Variants in RNF214 observed in about 807,000 individuals in gnomAD.
RNF214 encodes the protein ring finger protein 214.
In RNF214, 25 loss-of-function variants were observed where a neutral mutation model predicts 75.9. The ratio of observed to expected loss-of-function variants is 0.33; its 90% confidence interval spans 0.24 to 0.46. RNF214 has a LOEUF of 0.46. RNF214 is among the 20% of genes least tolerant of loss of function. The pLI, the probability that RNF214 is intolerant of heterozygous loss-of-function variation, is 1.00. For missense variants in RNF214, 725 were observed against 857.5 expected, an observed-to-expected ratio of 0.85 and a Z score of 1.93; for synonymous variants, 314 against 308.8, an observed-to-expected ratio of 1.02 and a Z score of -0.18.
chr11:117,240,762 C>A (rs1451549057), intron 4 of RNF214, among the ~76,000 whole-genome samples: 1 of 152,088 alleles, frequency 6.6e-6, no homozygotes, highest in African/African-American at 2.4e-5. Context: ...TTGCTTCAGG[C>A]CGGGCGCGGT....
rs1468535743 is a variant in RNF214, at chr11:117,280,257, C to T, written c.1143C>T (p.Leu381=). Residue 381 remains leucine (L), a splice_region_variant and synonymous_variant, in exon 8 of 15, where the codon CTC becomes CTT. Coordinates refer to ENST00000300650, the MANE Select transcript of RNF214 (RefSeq NM_207343.4). The part of the protein sequence containing the change: ...EKEAELHLTY[L]KSTPPTLETV... ...AGGCAGAATTGCACCTTACTTACCTCAAGTAAGTACCTTTCCGTTCTAGAG... is the reference window on the plus strand; with the variant it reads ...AGGCAGAATTGCACCTTACTTACCTTAAGTAAGTACCTTTCCGTTCTAGAG... 1.3e-6 allele frequency: 2 copies of T among 1,568,192 alleles called. No homozygotes were observed. The highest frequency in any genetic ancestry group is 1.8e-6 in the Non-Finnish European group (2 of 1,138,630).
chr11:117,268,614 A>G (rs1009176558), intron 6 of RNF214, among the ~76,000 whole-genome samples: 2 of 152,192 alleles, frequency 1.3e-5, no homozygotes, highest in African/African-American at 4.8e-5. Context: ...GTAAATGTTG[A>G]AATCAGTGCA....
intron 2 of RNF214, among the ~76,000 whole-genome samples, chr11:117,237,786 A>G (rs1219293984): frequency 6.6e-6 from 1 of 152,192 alleles, no homozygotes; most frequent in Non-Finnish European, 1.5e-5. Flanking sequence ...GACAGCTTCA[A>G]TTTTGGATTC....
At chr11:117,263,846 C>T in intron 6 of RNF214, 1 of 269,480 alleles carries the variant, frequency 3.7e-6, no homozygotes, top group East Asian at 1.4e-4. Context: ...TTTTGGTCCC[C>T]CTGTGCTCAG....
intron 6 of RNF214, among the ~76,000 whole-genome samples, chr11:117,265,463 G>T (rs2033775966): frequency 6.6e-6 from 1 of 151,928 alleles, no homozygotes; most frequent in Non-Finnish European, 1.5e-5. Context: ...GCCCAGGCTG[G>T]AGTGCAATGG....
chr11:117,280,364 T>G, intron 8 of RNF214, 105 bp downstream of exon 8: 2 of 772,988 alleles, frequency 2.6e-6, no homozygotes, highest in East Asian at 4.9e-5. Flanking sequence ...TTATTCTATC[T>G]GCACAGGAAT....
At chr11:117,258,532 A>T (rs1242662562) in intron 6 of RNF214, among the ~76,000 whole-genome samples, 1 of 152,118 alleles carries the variant, frequency 6.6e-6, no homozygotes, top group Non-Finnish European at 1.5e-5. Flanking sequence ...TTAGAGTTTA[A>T]TATTATTTAT....
chr11:117,251,481 AC>A (rs368216354), intron 6 of RNF214, among the ~76,000 whole-genome samples: 588 of 57,650 alleles, frequency 0.01, no homozygotes, highest in East Asian at 0.035. Context: ...CGGGGGGCTG[AC>A]CCCCCCACCT....
intron 6 of RNF214, among the ~76,000 whole-genome samples, chr11:117,274,356 C>CTT (rs11461326): frequency 0.18 from 14,060 of 79,286 alleles, 1,835 homozygotes; most frequent in East Asian, 0.23. Context: ...CAAATGACTT[C>CTT]TTTTTTTTTT....
chr11:117,286,293 A>G lies in RNF214; in HGVS notation c.*1142A>G, dbSNP rs1335725645. 4 of 152,194 alleles carry G rather than the reference A, an allele frequency of 2.6e-5. No homozygotes were observed. The highest frequency in any genetic ancestry group is 5.9e-5 in the Non-Finnish European group (4 of 68,032). 9.4% of individuals were successfully genotyped at this position (152,194 alleles called of 1,614,324 possible). The stretch of plus-strand genomic sequence containing the variant: ...GTGGGTAGCTATCAGGAACTAGATC[A>G]TTTTCCACCTCTGCTTATTGTACTT... On this transcript the variant is annotated 3_prime_UTR_variant, in exon 15 of 15. Transcript: ENST00000300650.
intron 6 of RNF214, among the ~76,000 whole-genome samples, chr11:117,274,599 C>T (rs1252613887): frequency 6.6e-6 from 1 of 151,486 alleles, no homozygotes; most frequent in Non-Finnish European, 1.5e-5. Context: ...GAACTCCTGA[C>T]CTTAGGTTAT....
Position 117,282,236 on chromosome 11 carries a change from G to A in RNF214, c.1678G>A (p.Glu560Lys). The stretch of plus-strand genomic sequence containing the variant: ...AGTAGACAAACTGGAGAAGATCCTG[G>A]AGAAGCTGCTGACCCGGTTCCCACA... ...QPVDKLEKIL[E>K]KLLTRFPQCN... The change falls in exon 11 of 15, where the codon GAG (glutamate) becomes AAG (lysine). Residue 560 changes from glutamate to lysine, a missense_variant. Coordinates refer to ENST00000300650, the MANE Select transcript of RNF214 (RefSeq NM_207343.4). The A allele has an allele frequency of 1.9e-6, 3 of 1,604,860 alleles. No homozygotes were observed. Among genetic ancestry groups the A allele is most frequent in the Non-Finnish European group, 2.6e-6 (3 of 1,174,942 alleles).
intron 2 of RNF214, among the ~76,000 whole-genome samples, chr11:117,235,068 A>AATGTAAATGTT (rs1225987965): frequency 5.3e-5 from 8 of 152,264 alleles, no homozygotes; most frequent in Non-Finnish European, 1.0e-4. Flanking sequence ...CAACTAATAC[A>AATGTAAATGTT]ATGTAAATGT....
chr11:117,255,746 C>G (rs1190701753), intron 6 of RNF214, among the ~76,000 whole-genome samples: 9 of 152,116 alleles, frequency 5.9e-5, no homozygotes, highest in Non-Finnish European at 1.3e-4. Flanking sequence ...TATTCTTTCT[C>G]TCTGTCACTG....
chr11:117,270,252 T>C (rs1184981316), intron 6 of RNF214, among the ~76,000 whole-genome samples: 8 of 135,206 alleles, frequency 5.9e-5, no homozygotes, highest in Admixed American at 2.2e-4. Flanking sequence ...TTTTTTTTTT[T>C]TTTTTTTTTT....
Position 117,238,636 on chromosome 11 carries a change from C to G in RNF214, c.143C>G (p.Pro48Arg). 6.2e-7 allele frequency: 1 copy of G among 1,614,018 alleles called. No individual in the cohort carries two copies. Among genetic ancestry groups the G allele is most frequent in the African/African-American group, 1.3e-5 (1 of 75,028 alleles). Residue 48 changes from proline (P) to arginine (R), a missense_variant, in exon 3 of 15, where the codon CCT becomes CGT. Around this residue, in one of 2 missense-constraint regions of RNF214, gnomAD observed 362 missense variants for 344.5 expected, o/e 1.05. Coordinates refer to ENST00000300650, the MANE Select transcript of RNF214 (RefSeq NM_207343.4). ...TCTGCACAGAAGCAGAAGAACTCGC[C>G]TCTGTTGAGTGTAAGTAGCCAAACA... The part of the protein sequence containing the change: ...KDSAQKQKNS[P>R]LLSVSSQTIT...
At chr11:117,279,560 C>T (rs1346313733) in intron 6 of RNF214, among the ~76,000 whole-genome samples, 5 of 152,140 alleles carry the variant, frequency 3.3e-5, no homozygotes, top group Non-Finnish European at 7.4e-5. Context: ...TGGTCTCAAA[C>T]TCCTGATTTC....
At chr11:117,247,135 A>T (rs2033245387) in intron 6 of RNF214, among the ~76,000 whole-genome samples, 187 bp downstream of exon 6, 1 of 152,244 alleles carries the variant, frequency 6.6e-6, no homozygotes. Context: ...AAAAAAGTTC[A>T]GAGATTTATT....
intron 6 of RNF214, among the ~76,000 whole-genome samples, chr11:117,256,342 C>T (rs577537012): frequency 5.3e-5 from 8 of 152,314 alleles, no homozygotes; most frequent in South Asian, 4.1e-4. Context: ...TATCTTGAAA[C>T]AATAGTATTT....
Sources: gnomAD v4.1 joint callset for allele counts (sites outside exome capture counted in the v4.1 genomes callset) on GRCh38, gnomAD v4.1.1 for gene constraint, gnomAD v4.1.1 regional missense constraint, MANE v1.5 for transcripts, NCBI Gene and HGNC (gene_info 2026-07-23, HGNC 2026-07-21) for gene names.